Variants in BICC1 observed in about 807,000 individuals in gnomAD.
BICC1 encodes BicC family RNA binding protein 1.
Under a neutral mutation model 111.0 loss-of-function variants are expected in BICC1, and 43 were observed. The observed-to-expected ratio is 0.39, with a 90% CI of 0.30 to 0.50. The LOEUF is 0.50. Among genes scored for constraint, BICC1 ranks in the 20% least tolerant of loss-of-function variants. The pLI, the probability that BICC1 is intolerant of heterozygous loss-of-function variation, is 0.88. For synonymous variants in BICC1, 467 were observed against 434.4 expected, an observed-to-expected ratio of 1.07 and a Z score of -0.93; for missense variants, 1,091 against 1,203.2, an observed-to-expected ratio of 0.91 and a Z score of 1.38.
At chr10:58,709,988 G>C (rs1240443950) in intron 3 of BICC1, among the ~76,000 whole-genome samples, 2 of 152,104 alleles carry the variant, frequency 1.3e-5, no homozygotes, top group Non-Finnish European at 2.9e-5. Context: ...TTTGGTTGTG[G>C]TTATTTTAAT....
intron 18 of BICC1, among the ~76,000 whole-genome samples, chr10:58,815,141 T>C (rs1358857535): frequency 6.6e-6 from 1 of 152,062 alleles, no homozygotes; most frequent in African/African-American, 2.4e-5. Flanking sequence ...CTGAAACATG[T>C]AGAATATTTG....
intron 2 of BICC1, among the ~76,000 whole-genome samples, chr10:58,682,832 G>C (rs1476175520): frequency 6.6e-6 from 1 of 152,172 alleles, no homozygotes; most frequent in Non-Finnish European, 1.5e-5. Flanking sequence ...TCTGTAGGTT[G>C]CCTGTTCACT....
intron 14 of BICC1, among the ~76,000 whole-genome samples, chr10:58,801,327 A>G (rs954939483): frequency 2.0e-5 from 3 of 152,180 alleles, no homozygotes; most frequent in South Asian, 4.1e-4. Flanking sequence ...TCTGCTCTTC[A>G]GTAATCAGCA....
rs1367007493 is a variant in BICC1 at position 58,777,680 on chromosome 10, T to C, written c.308-7321T>C. Among the ~76,000 whole-genome samples the C allele has an allele frequency of 3.9e-5, 6 of 152,222 alleles. No individual in the cohort carries two copies. In the East Asian group the frequency reaches 1.2e-3, roughly 29 times the overall value. Reference sequence around the variant, plus strand: ...TCTTACAATTCGCTCACGTCACTCCTGCCATTATCATGTCAAAAATACTCT... The same window carrying C: ...TCTTACAATTCGCTCACGTCACTCCCGCCATTATCATGTCAAAAATACTCT... On this transcript the variant is annotated intron_variant, in intron 3 of 20. Transcript: ENST00000373886.
rs773824523 is a variant in BICC1, at chr10:58,789,876, T to C, written c.990T>C (p.Ser330=). The stretch of plus-strand genomic sequence containing the variant: ...ATCCCAGTAATCCACAAAAGAAATC[T>C]ACCGTCTACCTCCAGGGCACCATTG... The part of the protein sequence containing the change: ...FPDPSNPQKK[S]TVYLQGTIES... Residue 330 remains serine, a synonymous_variant, in exon 8 of 21, where the codon TCT becomes TCC. Coordinates refer to ENST00000373886, the MANE Select transcript of BICC1 (RefSeq NM_001080512.3). 89 of 1,614,058 alleles carry C rather than the reference T, an allele frequency of 5.5e-5. No homozygotes were observed. Among genetic ancestry groups the C allele is most frequent in the Non-Finnish European group, 7.3e-5 (86 of 1,180,020 alleles).
At chr10:58,757,612 A>G (rs962509667) in intron 3 of BICC1, among the ~76,000 whole-genome samples, 2 of 152,144 alleles carry the variant, frequency 1.3e-5, no homozygotes, top group African/African-American at 2.4e-5. Context: ...GTAAAAAGGG[A>G]CAGGAAGGGC....
intron 8 of BICC1, 60 bp from the exon 9 acceptor site, chr10:58,793,424 A>C: frequency 6.9e-7 from 1 of 1,451,398 alleles, no homozygotes; most frequent in South Asian, 1.2e-5. Flanking sequence ...ATGTTAAATT[A>C]TCAGGTGTTT....
At chr10:58,623,413 C>T (rs568039974) in intron 2 of BICC1, among the ~76,000 whole-genome samples, 4 of 151,974 alleles carry the variant, frequency 2.6e-5, no homozygotes, top group East Asian at 3.9e-4. Flanking sequence ...CTGTTTTTTC[C>T]AGAGATCTAC....
chr10:58,684,462 C>G (rs1186026339), intron 2 of BICC1, among the ~76,000 whole-genome samples: 1 of 152,212 alleles, frequency 6.6e-6, no homozygotes, highest in Non-Finnish European at 1.5e-5. Flanking sequence ...ACCAGCTCCT[C>G]TTTGTACCTC....
chr10:58,783,424 A>G (rs1842931571), intron 3 of BICC1, among the ~76,000 whole-genome samples: 2 of 151,854 alleles, frequency 1.3e-5, no homozygotes, highest in Non-Finnish European at 2.9e-5. Flanking sequence ...GCCCAATTGC[A>G]ACATAAGAAT....
chr10:58,569,887 A>G (rs551440372), intron 1 of BICC1, among the ~76,000 whole-genome samples: 9 of 152,260 alleles, frequency 5.9e-5, no homozygotes, highest in Non-Finnish European at 1.2e-4. Context: ...AATGATTTAC[A>G]ATCCTTTGAA....
At chr10:58,548,594 CTT>C (rs1843202591) in intron 1 of BICC1, among the ~76,000 whole-genome samples, 1 of 152,116 alleles carries the variant, frequency 6.6e-6, no homozygotes, top group Non-Finnish European at 1.5e-5. Context: ...AAAGAGAATA[CTT>C]TCATATCCTA....
At chr10:58,672,452 G>T (rs1225409727) in intron 2 of BICC1, among the ~76,000 whole-genome samples, 1 of 152,074 alleles carries the variant, frequency 6.6e-6, no homozygotes, top group African/African-American at 2.4e-5. Flanking sequence ...CATGTTTTGT[G>T]TTACCCCATT....
At chr10:58,698,519 T>A (rs2055548388) in intron 2 of BICC1, among the ~76,000 whole-genome samples, 1 of 152,086 alleles carries the variant, frequency 6.6e-6, no homozygotes, top group Non-Finnish European at 1.5e-5. Context: ...CGGGTTAGGA[T>A]CCCCTCTGTA....
At chr10:58,620,832 A>C in intron 1 of BICC1, 23 bp from the exon 2 acceptor site, 1 of 1,605,968 alleles carries the variant, frequency 6.2e-7, no homozygotes, top group South Asian at 1.1e-5. Context: ...AAGTATTTTA[A>C]ATGTGCACAT....
chr10:58,631,012 A>G (rs540031956), intron 2 of BICC1, among the ~76,000 whole-genome samples: 1 of 152,312 alleles, frequency 6.6e-6, no homozygotes, highest in East Asian at 1.9e-4. Flanking sequence ...GTCAGTTACC[A>G]GCATTATTCA....
intron 2 of BICC1, among the ~76,000 whole-genome samples, chr10:58,643,837 T>C (rs1054143776): frequency 2.0e-5 from 3 of 152,160 alleles, no homozygotes; most frequent in African/African-American, 7.2e-5. Context: ...ACAGGCTTTA[T>C]TGCTACAGGA....
chr10:58,542,306 A>G (rs1265173060), intron 1 of BICC1, among the ~76,000 whole-genome samples: 1 of 152,078 alleles, frequency 6.6e-6, no homozygotes, highest in Non-Finnish European at 1.5e-5. Context: ...TCAACAGATG[A>G]TGTTGGAAAA....
At chr10:58,534,462 A>T (rs904249689) in intron 1 of BICC1, among the ~76,000 whole-genome samples, 2 of 151,748 alleles carry the variant, frequency 1.3e-5, no homozygotes, top group Admixed American at 1.3e-4. Context: ...TCACACAAAG[A>T]TTCTCTATAA....
Sources: gnomAD v4.1 joint callset for allele counts (sites outside exome capture counted in the v4.1 genomes callset) on GRCh38, gnomAD v4.1.1 for gene constraint, MANE v1.5 for transcripts, NCBI Gene and HGNC (gene_info 2026-07-23, HGNC 2026-07-21) for gene names.